The following COL21A1 variants were observed in gnomAD, a reference collection of about 807,000 sequenced individuals.
COL21A1 encodes collagen type XXI alpha 1 chain.
In COL21A1, 149 loss-of-function variants were observed where a neutral mutation model predicts 137.9. That is an observed-to-expected ratio of 1.08 (90% CI 0.95 to 1.24). The LOEUF is 1.24. Ranked by LOEUF, COL21A1 falls within the 50% of genes most tolerant of loss-of-function variation. The probability of loss-of-function intolerance (pLI) is 0.00; values close to 1 mark genes in which losing one functional copy is unlikely to be tolerated. For missense variants in COL21A1, 1,167 were observed against 1,158.4 expected (o/e 1.01, Z -0.11); for synonymous variants, 456 against 391.5 (o/e 1.16, Z -1.95).
intron 17 of COL21A1, chr6:56,078,319 G>A (rs902394436): frequency 1.4e-5 from 6 of 434,632 alleles, no homozygotes; most frequent in African/African-American, 1.2e-4. Context: ...CATTTATCAT[G>A]CAAAACAGTG....
rs1180081251 is a variant in COL21A1, at chr6:56,070,787, A to G, written c.1977T>C (p.Gly659=). 3.8e-6 allele frequency: 6 copies of G among 1,594,404 alleles called. No homozygotes were observed. The African/African-American group carries it at 6.8e-5, about 18-fold the overall frequency. Residue 659 remains glycine, a synonymous_variant, in exon 21 of 30, where the codon GGT becomes GGC. Coordinates refer to ENST00000244728, the MANE Select transcript of COL21A1 (RefSeq NM_030820.4). ...CAGGCATCCCTTGAATTCCAGGTTC[A>G]CCTTTGCTTCCCTGTCAACACATCA... ...PGTPGSKGSK[G]EPGIQGMPGA... is the part of the protein sequence containing the mutation.
intron 1 of COL21A1, among the ~76,000 whole-genome samples, chr6:56,210,841 C>T (rs548060799): frequency 6.6e-6 from 1 of 151,954 alleles, no homozygotes; most frequent in East Asian, 1.9e-4. Flanking sequence ...AATGGTATGA[C>T]AAGGGTAAGG....
rs1427237127 is a variant in COL21A1 at position 56,113,810 on chromosome 6, C to T, written c.1758+10252G>A. Among the ~76,000 whole-genome samples, 5 of 152,252 alleles carry T rather than the reference C, an allele frequency of 3.3e-5. No individual in the cohort carries two copies. In the South Asian group the frequency reaches 1.0e-3, roughly 32 times the overall value. On this transcript the variant is annotated intron_variant, in intron 16 of 29. Coordinates refer to ENST00000244728, the MANE Select transcript of COL21A1 (RefSeq NM_030820.4). ...CTCTTAGACAGCATTTCTGGACCTG[C>T]CTTGGGCCACAGGGGATCCCACTGC...
intron 1 of COL21A1, among the ~76,000 whole-genome samples, chr6:56,233,534 A>G (rs574012963): frequency 6.6e-6 from 1 of 151,898 alleles, no homozygotes; most frequent in South Asian, 2.1e-4. Context: ...GCTAGATGGA[A>G]AATCAAGTTG....
At chr6:56,068,922 A>C (rs1265234593) in intron 22 of COL21A1, 124 bp downstream of exon 22, 2 of 676,306 alleles carry the variant, frequency 3.0e-6, no homozygotes, top group Non-Finnish European at 2.6e-6. Flanking sequence ...TACATCGAAT[A>C]TATAGGGTAC....
intron 1 of COL21A1, chr6:56,231,125 A>G (rs893587180): frequency 6.6e-6 from 1 of 151,944 alleles, no homozygotes; most frequent in Non-Finnish European, 1.5e-5. Context: ...AGGATGCCAG[A>G]AGAGGTTTCC....
intron 10 of COL21A1, among the ~76,000 whole-genome samples, chr6:56,155,920 G>C (rs2152256527): frequency 6.6e-6 from 1 of 152,262 alleles, no homozygotes; most frequent in Non-Finnish European, 1.5e-5. Flanking sequence ...AATTCTTCGT[G>C]TTTACTCTTA....
At chr6:56,280,456 C>T (rs956595928) in intron 1 of COL21A1, among the ~76,000 whole-genome samples, 1 of 152,166 alleles carries the variant, frequency 6.6e-6, no homozygotes. Flanking sequence ...CTCAGCCAAG[C>T]ACTGACCTGG....
intron 24 of COL21A1, among the ~76,000 whole-genome samples, chr6:56,062,698 C>T (rs1397890385): frequency 1.3e-5 from 2 of 152,074 alleles, no homozygotes; most frequent in Non-Finnish European, 2.9e-5. Context: ...CATCATAAAA[C>T]ACCAAATATT....
chr6:56,180,079 T>A lies in COL21A1; in HGVS notation c.139A>T (p.Ser47Cys). ...ATTTCAAAGTTTTCTGGGCCAACAC[T>A]ATAAGAGCCATCTAAGATGAAAACT... The part of the protein sequence containing the change: ...DLVFILDGSY[S>C]VGPENFEIVK... The change falls in exon 3 of 30, where the codon AGT (serine) becomes TGT (cysteine). Residue 47 changes from serine (S) to cysteine (C), a missense_variant. Transcript: ENST00000244728. 1.9e-6 allele frequency: 3 copies of A among 1,613,632 alleles called. No individual in the cohort carries two copies. Among genetic ancestry groups the A allele is most frequent in the Non-Finnish European group, 8.5e-7 (1 of 1,179,768 alleles).
chr6:56,360,759 C>T (rs1402027913), intron 1 of COL21A1, among the ~76,000 whole-genome samples: 1 of 152,004 alleles, frequency 6.6e-6, no homozygotes, highest in African/African-American at 2.4e-5. Context: ...CAACCCTCAC[C>T]TTTTTTCTTA....
chr6:56,178,676 A>G (rs1383194319), intron 3 of COL21A1, among the ~76,000 whole-genome samples: 1 of 152,120 alleles, frequency 6.6e-6, no homozygotes, highest in Non-Finnish European at 1.5e-5. Context: ...CTCCCCTAAA[A>G]TAATCTGAAT....
chr6:56,207,894 A>G (rs568090265), intron 1 of COL21A1, among the ~76,000 whole-genome samples: 1 of 152,306 alleles, frequency 6.6e-6, no homozygotes, highest in Non-Finnish European at 1.5e-5. Context: ...GCAAATCAAT[A>G]AACATAATCC....
chr6:56,117,460 A>G (rs1321120651), intron 16 of COL21A1, among the ~76,000 whole-genome samples: 1 of 152,018 alleles, frequency 6.6e-6, no homozygotes, highest in Non-Finnish European at 1.5e-5. Context: ...AGCTAAAGAG[A>G]GTGATAGACC....
intron 1 of COL21A1, among the ~76,000 whole-genome samples, chr6:56,217,953 A>T (rs942434775): frequency 6.6e-6 from 1 of 152,142 alleles, no homozygotes; most frequent in Non-Finnish European, 1.5e-5. Context: ...ATGGCAAGCC[A>T]ATTCTAATCT....
rs544494002 is a variant in COL21A1, at chr6:56,328,021, T to C, written c.-39+65950A>G. On this transcript the variant is annotated intron_variant, in intron 1 of 28. Transcript: ENST00000370819. ...ATAAGACAGATTACAAACGCATAAA[T>C]ATGGGGTCAGGCTGCCCATCATACA... is the stretch of plus-strand genomic sequence containing the variant. 7.2e-5 allele frequency among the ~76,000 whole-genome samples: 11 copies of C among 152,122 alleles called. No individual in the cohort carries two copies. The East Asian group carries it at 2.1e-3, about 30-fold the overall frequency.
chr6:56,319,452 C>T (rs1764816622), intron 1 of COL21A1, among the ~76,000 whole-genome samples: 1 of 152,118 alleles, frequency 6.6e-6, no homozygotes, highest in South Asian at 2.1e-4. Flanking sequence ...ATTCTCTTGC[C>T]TCAGCTTCCC....
At chr6:56,137,623 T>C (rs1774096596) in intron 12 of COL21A1, among the ~76,000 whole-genome samples, 1 of 152,026 alleles carries the variant, frequency 6.6e-6, no homozygotes, top group Admixed American at 6.6e-5. Flanking sequence ...TCAACGACCA[T>C]ACAACAGAAG....
At chr6:56,154,850 C>T (rs1775617886) in intron 10 of COL21A1, among the ~76,000 whole-genome samples, 1 of 152,088 alleles carries the variant, frequency 6.6e-6, no homozygotes, top group South Asian at 2.1e-4. Flanking sequence ...TTCCAGGTGG[C>T]TACCACTTTT....
Sources: gnomAD v4.1 joint callset for allele counts (sites outside exome capture counted in the v4.1 genomes callset) on GRCh38, gnomAD v4.1.1 for gene constraint, MANE v1.5 for transcripts, NCBI Gene and HGNC (gene_info 2026-07-23, HGNC 2026-07-21) for gene names.